FHIT: variants seen among roughly 807,000 people sequenced by gnomAD.
FHIT encodes fragile histidine triad diadenosine triphosphatase, also known as bis(5'-adenosyl)-triphosphatase.
In FHIT, 19 loss-of-function variants were observed where a neutral mutation model predicts 17.9. The observed-to-expected ratio is 1.06, with a 90% CI of 0.74 to 1.56. The LOEUF (loss-of-function observed/expected upper bound fraction) is 1.56. FHIT is among the 40% of genes most tolerant of loss of function. The probability of loss-of-function intolerance (pLI) is 0.00; values close to 1 mark genes in which losing one functional copy is unlikely to be tolerated. For synonymous variants in FHIT, 81 were observed against 69.7 expected (o/e 1.16, Z -0.81); for missense variants, 248 against 189.2 (o/e 1.31, Z -1.82).
chr3:60,052,151 T>C (rs112559360), intron 5 of FHIT, among the ~76,000 whole-genome samples: 10 of 152,242 alleles, frequency 6.6e-5, no homozygotes, highest in African/African-American at 2.4e-4. Context: ...CAGAGGTGAA[T>C]GTAGGATGGC....
chr3:60,271,758 G>C (rs968309758), intron 5 of FHIT, among the ~76,000 whole-genome samples: 3 of 152,154 alleles, frequency 2.0e-5, no homozygotes, highest in African/African-American at 7.2e-5. Context: ...TATGAAGATA[G>C]TTATTCATTT....
At chr3:60,838,191 G>A (rs548974158) in intron 3 of FHIT, among the ~76,000 whole-genome samples, 2 of 152,214 alleles carry the variant, frequency 1.3e-5, no homozygotes, top group Middle Eastern at 3.4e-3. Context: ...TTAGTTTTCC[G>A]GCTGGGCGTG....
intron 9 of FHIT, chr3:59,750,369 G>A (rs1252482892): frequency 4.4e-6 from 1 of 224,832 alleles, no homozygotes; most frequent in Non-Finnish European, 8.9e-6. Flanking sequence ...TCAAGTCTGA[G>A]GTATTGTCAC....
chr3:59,919,163 TAA>T (rs1705284236), intron 8 of FHIT, among the ~76,000 whole-genome samples: 1 of 152,196 alleles, frequency 6.6e-6, no homozygotes, highest in Non-Finnish European at 1.5e-5. Flanking sequence ...GTCAAATGTG[TAA>T]AGAGAGGCAC....
intron 5 of FHIT, among the ~76,000 whole-genome samples, chr3:60,166,835 ATT>A (rs1463586852): frequency 2.0e-5 from 3 of 152,182 alleles, no homozygotes; most frequent in African/African-American, 7.2e-5. Flanking sequence ...AATACCAAAT[ATT>A]ATATCTAGGG....
chr3:60,183,224 T>A (rs769924677), intron 5 of FHIT, among the ~76,000 whole-genome samples: 11 of 151,850 alleles, frequency 7.2e-5, no homozygotes, highest in Non-Finnish European at 1.3e-4. Context: ...ATGGTGAAAA[T>A]CCATCTCTAC....
rs1281567026 is a variant in FHIT, at chr3:60,019,415, C to CTTTTTTTT, written c.104-5271_104-5264dup. Among the ~76,000 whole-genome samples the CTTTTTTTT allele has an allele frequency of 1.1e-3, 131 of 121,086 alleles. 8 individuals are homozygous for CTTTTTTTT. The highest frequency in any genetic ancestry group is 3.3e-3 in the East Asian group (12 of 3,674). The allele number at this position is 121,086 out of a possible 152,430, so 79.4% of individuals were successfully genotyped here. On this transcript the variant is annotated intron_variant, in intron 5 of 9. Coordinates refer to ENST00000492590, the MANE Select transcript of FHIT (RefSeq NM_002012.4). ...ATGGCATTTTAGAGTTGAGATGCTC[C>CTTTTTTTT]TTTTTTTTTTTTTTTTTCCTGAGAT...
At chr3:60,052,281 C>T (rs998220185) in intron 5 of FHIT, among the ~76,000 whole-genome samples, 2 of 152,036 alleles carry the variant, frequency 1.3e-5, no homozygotes, top group East Asian at 1.9e-4. Context: ...CGAGTGGCAT[C>T]CTGGGGCAGC....
At chr3:60,093,050 A>G (rs550283244) in intron 5 of FHIT, among the ~76,000 whole-genome samples, 24 of 152,288 alleles carry the variant, frequency 1.6e-4, no homozygotes, top group African/African-American at 5.1e-4. Context: ...CTCACTTACA[A>G]GGCAACGCAT....
At chr3:60,413,943 A>G (rs1376298123) in intron 5 of FHIT, among the ~76,000 whole-genome samples, 1 of 152,230 alleles carries the variant, frequency 6.6e-6, no homozygotes, top group Non-Finnish European at 1.5e-5. Flanking sequence ...TAGCAATTAC[A>G]AAGCTTACAA....
intron 4 of FHIT, among the ~76,000 whole-genome samples, chr3:60,538,250 T>G: frequency 6.6e-6 from 1 of 152,138 alleles, no homozygotes; most frequent in East Asian, 1.9e-4. Flanking sequence ...AAGGACCTCT[T>G]CAAGGAGAAC....
chr3:60,134,177 A>G (rs892084290), intron 5 of FHIT, among the ~76,000 whole-genome samples: 3 of 152,204 alleles, frequency 2.0e-5, no homozygotes, highest in Non-Finnish European at 4.4e-5. Context: ...TCAAGTTTAA[A>G]CATAAGTAAT....
chr3:59,862,603 G>C (rs922226330), intron 8 of FHIT, among the ~76,000 whole-genome samples: 18 of 152,196 alleles, frequency 1.2e-4, no homozygotes, highest in African/African-American at 4.3e-4. Flanking sequence ...TATTGGCTGG[G>C]TATTTAAATA....
At chr3:61,181,109 T>C (rs2038326782) in intron 2 of FHIT, among the ~76,000 whole-genome samples, 1 of 152,142 alleles carries the variant, frequency 6.6e-6, no homozygotes, top group Non-Finnish European at 1.5e-5. Flanking sequence ...GCTTGACAAA[T>C]CACATATTGG....
intron 5 of FHIT, among the ~76,000 whole-genome samples, chr3:60,044,098 A>C (rs1192940564): frequency 6.6e-6 from 1 of 152,192 alleles, no homozygotes; most frequent in African/African-American, 2.4e-5. Flanking sequence ...ACTTCTGCTG[A>C]AAAGTTCATT....
chr3:60,740,972 C>A (rs936916381), intron 4 of FHIT, among the ~76,000 whole-genome samples: 1 of 152,086 alleles, frequency 6.6e-6, no homozygotes, highest in African/African-American at 2.4e-5. Flanking sequence ...GTGGCCTTCC[C>A]ATCTTACCAT....
intron 4 of FHIT, among the ~76,000 whole-genome samples, chr3:60,550,833 T>C (rs926416144): frequency 7.2e-5 from 11 of 152,132 alleles, no homozygotes; most frequent in African/African-American, 2.7e-4. Flanking sequence ...TCTGCTCTCA[T>C]GTAGTATTCT....
rs1448816443 is a variant in FHIT, at chr3:60,043,112, T to G, written c.104-28960A>C. ...AATCAAGCTGTGAAGGACTTTGGGC[T>G]TCTACTTCATTCTCCCTTGCATTGA... On this transcript the variant is annotated intron_variant, in intron 5 of 9. Coordinates refer to ENST00000492590, the MANE Select transcript of FHIT (RefSeq NM_002012.4). 2.6e-5 allele frequency among the ~76,000 whole-genome samples: 4 copies of G among 152,208 alleles called. No homozygotes were observed. The East Asian group carries it at 5.8e-4, about 22-fold the overall frequency.
At chr3:59,766,149 C>A (rs1701786460) in intron 8 of FHIT, among the ~76,000 whole-genome samples, 1 of 152,080 alleles carries the variant, frequency 6.6e-6, no homozygotes, top group Admixed American at 6.5e-5. Context: ...GTAGCAAAAT[C>A]ATAGGTTTTG....
Sources: allele counts gnomAD v4.1 joint callset (sites outside exome capture counted in the v4.1 genomes callset), GRCh38; gene constraint gnomAD v4.1.1; transcripts MANE v1.5; gene names NCBI Gene and HGNC (gene_info 2026-07-23, HGNC 2026-07-21).